Variants in EMP2 observed in about 807,000 individuals in gnomAD.
The protein encoded by EMP2 is epithelial membrane protein 2.
EMP2 carries 19 observed loss-of-function variants against 13.7 expected under a neutral mutation model. The ratio of observed to expected loss-of-function variants is 1.38; its 90% CI spans 0.97 to 2.03. The LOEUF is 2.03. Among genes scored for constraint, EMP2 ranks in the 30% most tolerant of loss-of-function variants. EMP2 has a pLI of 0.00. For synonymous variants in EMP2, 97 were observed against 84.7 expected, an observed-to-expected ratio of 1.15 and a Z score of -0.80; for missense variants, 253 against 220.7, an observed-to-expected ratio of 1.15 and a Z score of -0.93.
In EMP2 at chr16:10,539,840, C is replaced by T. The variant is rs117205534; in HGVS notation, c.170-1766G>A. Among the ~76,000 whole-genome samples, 626 of 152,218 alleles carry T rather than the reference C, an allele frequency of 4.1e-3. 1 individual carries two copies. Among genetic ancestry groups the T allele is most frequent in the Non-Finnish European group, 6.1e-3 (412 of 68,014 alleles). On this transcript the variant is annotated intron_variant, in intron 3 of 4. Transcript: ENST00000359543. ...CACCGAGGGAATTCCAATATGGAGCCCAAGTGGTGACCCTCTGGCTTACAG... is the reference window on the plus strand; with the variant it reads ...CACCGAGGGAATTCCAATATGGAGCTCAAGTGGTGACCCTCTGGCTTACAG...
chr16:10,573,208 C>A (rs549143695), intron 1 of EMP2, among the ~76,000 whole-genome samples: 4 of 152,110 alleles, frequency 2.6e-5, no homozygotes, highest in Admixed American at 6.5e-5. Flanking sequence ...TGTCACCATG[C>A]CTGGCTAATT....
intron 4 of EMP2, among the ~76,000 whole-genome samples, chr16:10,533,742 C>A (rs1252360392): frequency 6.6e-6 from 1 of 152,188 alleles, no homozygotes; most frequent in Non-Finnish European, 1.5e-5. Context: ...TCTTGGCAAT[C>A]TGGTTCCTGT....
rs117685104 is a variant in EMP2 at position 10,551,431 on chromosome 16, G to A, written c.-60-3754C>T. On this transcript the variant is annotated intron_variant, in intron 1 of 4. Transcript: ENST00000359543. ...TTTTCGTTTGTTTGTTTTTGAGACA[G>A]AGTCTTGCTCCGTTGCCCAGGCTGG... 9.2e-3 allele frequency among the ~76,000 whole-genome samples: 1,395 copies of A among 152,308 alleles called. 10 individuals carry two copies. Among genetic ancestry groups the A allele is most frequent in the Non-Finnish European group, 0.016 (1,083 of 68,012 alleles).
intron 1 of EMP2, among the ~76,000 whole-genome samples, chr16:10,559,572 C>T (rs1026966633): frequency 2.6e-5 from 4 of 152,260 alleles, no homozygotes; most frequent in Non-Finnish European, 4.4e-5. Context: ...TGATAGCCAA[C>T]ATTAGTTGTC....
rs1428641164 is a variant in EMP2, at chr16:10,543,571, T to C, written c.168A>G (p.Gln56=). ...TCAGCTTCCTTCATTCACACTTACC[T>C]TGAAAGCTGTCATTGATGACTGTGC... ...TNCTVINDSF[Q]EYSTLQAVQA... Residue 56 remains glutamine (Q), a splice_region_variant and synonymous_variant, in exon 3 of 5, where the codon CAA becomes CAG. Transcript: ENST00000359543. 1 of 1,614,148 alleles carries C rather than the reference T, an allele frequency of 6.2e-7. No homozygotes were observed. Among genetic ancestry groups the C allele is most frequent in the Non-Finnish European group, 8.5e-7 (1 of 1,179,954 alleles).
At chr16:10,536,378 C>G (rs1441394026) in intron 4 of EMP2, among the ~76,000 whole-genome samples, 3 of 152,154 alleles carry the variant, frequency 2.0e-5, no homozygotes, top group Non-Finnish European at 4.4e-5. Context: ...ATAATCCCCA[C>G]ATGTCAAGGA....
In EMP2 at chr16:10,564,444, T is replaced by C. The variant is rs188306115; in HGVS notation, c.-61+16105A>G. ...AGGTGGAGGTTGCAGTGAGCTGAGA[T>C]TGCGCCACTGCACTCCAGCCTCAGC... On this transcript the variant is annotated intron_variant, in intron 1 of 4. Transcript: ENST00000359543. Among the ~76,000 whole-genome samples the C allele has an allele frequency of 6.5e-3, 957 of 148,006 alleles. 6 individuals carry two copies. The highest frequency in any genetic ancestry group is 0.017 in the Middle Eastern group (5 of 286).
rs550182930 is a variant in EMP2, at chr16:10,577,164, G to A, written c.-61+3385C>T. On this transcript the variant is annotated intron_variant, in intron 1 of 4. Transcript: ENST00000359543. The stretch of plus-strand genomic sequence containing the variant: ...GGCAAGTCACTCCACCTCTCTGAGT[G>A]TCCCTAGCTGTCAGTGTCATACTGG... Among the ~76,000 whole-genome samples, 5 of 152,332 alleles carry A rather than the reference G, an allele frequency of 3.3e-5. No individual in the cohort carries two copies. The East Asian group carries it at 7.7e-4, about 23-fold the overall frequency.
chr16:10,535,658 C>T (rs2050641354), intron 4 of EMP2, among the ~76,000 whole-genome samples: 1 of 152,088 alleles, frequency 6.6e-6, no homozygotes, highest in Admixed American at 6.6e-5. Context: ...TGCAGTGAGC[C>T]ATGATCACGC....
chr16:10,543,456 G>C, intron 3 of EMP2, 114 bp downstream of exon 3: 3 of 1,204,556 alleles, frequency 2.5e-6, no homozygotes, highest in Non-Finnish European at 3.6e-6. Flanking sequence ...CAGGCCCACC[G>C]GAGTATGCAG....
intron 1 of EMP2, among the ~76,000 whole-genome samples, chr16:10,567,596 T>C (rs1000536901): frequency 8.5e-5 from 13 of 152,048 alleles, no homozygotes; most frequent in African/African-American, 2.9e-4. Context: ...TAAGGCCAGG[T>C]GTGGAGGGTC....
chr16:10,532,758 C>CTTTTTTTTTTTTTTTTTTTTTTTTT lies in EMP2; in HGVS notation c.*122_*146dup, dbSNP rs878927571. ...CTTTTGGATTTTTTTTTTCTTTTTT[C>CTTTTTTTTTTTTTTTTTTTTTTTTT]TTTTTTTTTTTTTTTTTTTTTTTTT... On this transcript the variant is annotated 3_prime_UTR_variant, in exon 5 of 5. Transcript: ENST00000359543. 2.5e-4 allele frequency: 46 copies of CTTTTTTTTTTTTTTTTTTTTTTTTT among 182,540 alleles called. 1 individual carries two copies. Among genetic ancestry groups the CTTTTTTTTTTTTTTTTTTTTTTTTT allele is most frequent in the Non-Finnish European group, 2.7e-4 (32 of 120,336 alleles). 11.3% of individuals were successfully genotyped at this position (182,540 alleles called of 1,614,324 possible).
chr16:10,559,260 G>A (rs905492188), intron 1 of EMP2: 3 of 152,538 alleles, frequency 2.0e-5, no homozygotes, highest in East Asian at 1.9e-4. Flanking sequence ...TTTTCAGGAA[G>A]GCAGAGGTCA....
intron 1 of EMP2, among the ~76,000 whole-genome samples, chr16:10,549,362 C>T (rs1401042504): frequency 6.6e-6 from 1 of 152,112 alleles, no homozygotes; most frequent in African/African-American, 2.4e-5. Context: ...TGGAGAAGTT[C>T]CCAATAAATG....
Position 10,538,068 on chromosome 16 carries a change from G to A in EMP2, c.176C>T (p.Ser59Phe). The change falls in exon 4 of 5, where the codon TCC becomes TTC. Residue 59 changes from serine to phenylalanine, a missense_variant. Coordinates refer to ENST00000359543, the MANE Select transcript of EMP2 (RefSeq NM_001424.6). ...GGTGGCCTGGACCGCCTGCAGCGTG[G>A]AGTACTCTGCGGGAAAAGGGCAGGG... The part of the protein sequence containing the change: ...TVINDSFQEY[S>F]TLQAVQATMI... 1.2e-6 allele frequency: 2 copies of A among 1,613,662 alleles called. No homozygotes were observed. The highest frequency in any genetic ancestry group is 1.7e-6 in the Non-Finnish European group (2 of 1,179,928).
chr16:10,541,011 C>A (rs988068851), intron 3 of EMP2, among the ~76,000 whole-genome samples: 1 of 152,026 alleles, frequency 6.6e-6, no homozygotes, highest in South Asian at 2.1e-4. Context: ...TCACTCGAAC[C>A]TGGGGGGCAG....
intron 1 of EMP2, among the ~76,000 whole-genome samples, chr16:10,561,103 G>A (rs1279082011): frequency 2.0e-5 from 3 of 152,126 alleles, no homozygotes; most frequent in African/African-American, 7.2e-5. Context: ...GGGAACAGAG[G>A]GGTGGACAGA....
chr16:10,573,112 C>T (rs1265463850), intron 1 of EMP2, among the ~76,000 whole-genome samples: 1 of 152,148 alleles, frequency 6.6e-6, no homozygotes, highest in Non-Finnish European at 1.5e-5. Context: ...TGCAGTGGCA[C>T]AATCTCAGCT....
intron 2 of EMP2, chr16:10,546,444 T>C (rs1596372759): frequency 6.6e-6 from 1 of 152,242 alleles, no homozygotes; most frequent in African/African-American, 2.4e-5. Context: ...TCCTGCCATA[T>C]GGCTGCAAGC....
Sources: gnomAD v4.1 joint callset for allele counts (sites outside exome capture counted in the v4.1 genomes callset) on GRCh38, gnomAD v4.1.1 for gene constraint, MANE v1.5 for transcripts, NCBI Gene and HGNC (gene_info 2026-07-23, HGNC 2026-07-21) for gene names.